ECT2L: variants seen among roughly 807,000 people sequenced by gnomAD.
ECT2L encodes the protein epithelial cell transforming 2 like, also known as epithelial cell-transforming sequence 2 oncogene-like.
A neutral mutation model predicts 122.8 loss-of-function variants in ECT2L; 126 were observed. The ratio of observed to expected loss-of-function variants is 1.03; its 90% CI spans 0.89 to 1.19. ECT2L has a LOEUF of 1.19. ECT2L is among the 50% of genes most tolerant of loss of function. ECT2L has a pLI of 0.00. For synonymous variants in ECT2L, 385 were observed against 381.8 expected, an observed-to-expected ratio of 1.01 and a Z score of -0.10; for missense variants, 1,012 against 1,064.1, an observed-to-expected ratio of 0.95 and a Z score of 0.68.
intron 4 of ECT2L, among the ~76,000 whole-genome samples, chr6:138,816,962 T>C (rs1056132056): frequency 6.6e-6 from 1 of 152,298 alleles, no homozygotes; most frequent in African/African-American, 2.4e-5. Context: ...CTCATCTCCA[T>C]CCCTCTAGAT....
chr6:138,875,891 C>A (rs879533994), intron 13 of ECT2L, among the ~76,000 whole-genome samples: 2 of 152,056 alleles, frequency 1.3e-5, no homozygotes, highest in African/African-American at 4.8e-5. Context: ...GAGGCCAAGG[C>A]GGGCAGATTA....
At chr6:138,843,641 A>G (rs1777120044) in intron 6 of ECT2L, among the ~76,000 whole-genome samples, 1 of 152,186 alleles carries the variant, frequency 6.6e-6, no homozygotes, top group South Asian at 2.1e-4. Context: ...GAAAGAGGAC[A>G]GCTCTTTCCG....
intron 20 of ECT2L, among the ~76,000 whole-genome samples, chr6:138,893,470 G>A (rs529497375): frequency 6.6e-6 from 1 of 151,580 alleles, no homozygotes; most frequent in East Asian, 1.9e-4. Context: ...ACCCAGACTG[G>A]AATGCAGTGG....
intron 5 of ECT2L, among the ~76,000 whole-genome samples, chr6:138,842,629 A>G (rs948625821): frequency 3.2e-4 from 48 of 148,632 alleles, no homozygotes; most frequent in African/African-American, 9.2e-4. Flanking sequence ...AAAATTAGCC[A>G]GGCGTGGTGG....
intron 4 of ECT2L, among the ~76,000 whole-genome samples, chr6:138,816,996 C>G (rs768325493): frequency 6.6e-6 from 1 of 152,162 alleles, no homozygotes; most frequent in Non-Finnish European, 1.5e-5. Context: ...AATCTGCTTT[C>G]TGTCTCTATA....
chr6:138,866,311 C>A (rs955555282), intron 12 of ECT2L, among the ~76,000 whole-genome samples: 1 of 152,154 alleles, frequency 6.6e-6, no homozygotes, highest in East Asian at 1.9e-4. Flanking sequence ...CCATGCCTGG[C>A]CAATTTTTAT....
intron 4 of ECT2L, among the ~76,000 whole-genome samples, chr6:138,830,457 C>T (rs1279194672): frequency 2.0e-5 from 3 of 152,130 alleles, no homozygotes; most frequent in East Asian, 3.9e-4. Flanking sequence ...ATGTCAAAAA[C>T]GAATGGATAT....
chr6:138,882,970 G>A, intron 16 of ECT2L, 99 bp downstream of exon 16: 2 of 1,267,978 alleles, frequency 1.6e-6, no homozygotes, highest in Non-Finnish European at 2.2e-6. Context: ...AGGCTTCTCT[G>A]CTCTTAGCTC....
chr6:138,799,628 T>C (rs932460747), intron 1 of ECT2L, among the ~76,000 whole-genome samples: 3 of 152,254 alleles, frequency 2.0e-5, no homozygotes, highest in Middle Eastern at 3.4e-3. Flanking sequence ...TCTTGGACCT[T>C]GGTTCACTGT....
chr6:138,847,537 ATTTTTTTTTT>A (rs777070599), intron 8 of ECT2L, among the ~76,000 whole-genome samples: 1 of 123,832 alleles, frequency 8.1e-6, no homozygotes, highest in African/African-American at 3.1e-5. Flanking sequence ...TGCCCGGCTA[ATTTTTTTTTT>A]TTTTTTTTTT....
intron 1 of ECT2L, among the ~76,000 whole-genome samples, chr6:138,806,397 G>A (rs934841228): frequency 1.3e-5 from 2 of 152,012 alleles, no homozygotes; most frequent in African/African-American, 4.8e-5. Context: ...TTGGGCTATG[G>A]ATTGGGGTGC....
At chr6:138,826,899 CCTG>C (rs764450339) in intron 4 of ECT2L, among the ~76,000 whole-genome samples, 1 of 152,074 alleles carries the variant, frequency 6.6e-6, no homozygotes, top group Non-Finnish European at 1.5e-5. Flanking sequence ...CTCTCTTGCT[CCTG>C]CTTTCTTCAT....
At chr6:138,869,376 C>T (rs1249348370) in intron 13 of ECT2L, among the ~76,000 whole-genome samples, 8 of 152,316 alleles carry the variant, frequency 5.3e-5, no homozygotes, top group Non-Finnish European at 2.9e-5. Context: ...CACACATTCT[C>T]TCTCTCCTTA....
At chr6:138,814,631 C>A in intron 4 of ECT2L, 28 bp downstream of exon 4, 1 of 1,360,338 alleles carries the variant, frequency 7.4e-7, no homozygotes, top group South Asian at 1.2e-5. Flanking sequence ...ATGTAATTAA[C>A]ATTGATTCTT....
At chr6:138,800,468 A>G (rs1377084192) in intron 1 of ECT2L, among the ~76,000 whole-genome samples, 2 of 152,226 alleles carry the variant, frequency 1.3e-5, no homozygotes, top group African/African-American at 4.8e-5. Flanking sequence ...TGCACAATAA[A>G]TATTCTTGCC....
At chr6:138,813,145 G>T in intron 2 of ECT2L, 27 bp from the exon 3 acceptor site, 1 of 597,714 alleles carries the variant, frequency 1.7e-6, no homozygotes. Context: ...ATTCCTATAA[G>T]GACATTAACA....
chr6:138,832,774 G>A (rs1776695266), intron 4 of ECT2L, among the ~76,000 whole-genome samples: 2 of 151,594 alleles, frequency 1.3e-5, no homozygotes, highest in African/African-American at 4.8e-5. Flanking sequence ...TTTATAACTT[G>A]CTGATTTCTT....
At chr6:138,887,826 A>G (rs1472011455) in intron 19 of ECT2L, among the ~76,000 whole-genome samples, 1 of 152,176 alleles carries the variant, frequency 6.6e-6, no homozygotes, top group Non-Finnish European at 1.5e-5. Context: ...TATTCATTCT[A>G]TAAAAATCTA....
Position 138,842,853 on chromosome 6 carries a change from A to G in ECT2L, c.343-126A>G, listed in dbSNP as rs79059756. On this transcript the variant is annotated intron_variant, in intron 5 of 21. Transcript: ENST00000541398. The stretch of plus-strand genomic sequence containing the variant: ...TGTAGAAACAAATGGATTTGCATAC[A>G]AATTCTCAGAGATTTTTGTACCAGA... 2.3e-3 allele frequency: 2,024 copies of G among 878,802 alleles called. 35 individuals are homozygous for G. The African/African-American group carries it at 0.03, about 13-fold the overall frequency. 54.4% of individuals were successfully genotyped at this position (878,802 alleles called of 1,614,324 possible). A position where few individuals can be genotyped will look rare whatever the true frequency, so the allele number is the denominator to read the frequency against.
Sources: allele counts gnomAD v4.1 joint callset (sites outside exome capture counted in the v4.1 genomes callset), GRCh38; gene constraint gnomAD v4.1.1; transcripts MANE v1.5; gene names NCBI Gene and HGNC (gene_info 2026-07-23, HGNC 2026-07-21).